The following KLC2 variants were observed in gnomAD, a reference collection of about 807,000 sequenced individuals.
KLC2 encodes the protein KLC 2.
Under a neutral mutation model 75.1 loss-of-function variants are expected in KLC2, and 35 were observed. The observed-to-expected ratio is 0.47, with a 90% CI of 0.36 to 0.62. KLC2 has a LOEUF of 0.62. Ranked by LOEUF, KLC2 falls within the 20% of genes least tolerant of loss-of-function variation. KLC2 has a pLI of 0.00. For synonymous variants in KLC2, 314 were observed against 336.7 expected (o/e 0.93, Z 0.74); for missense variants, 611 against 833.2 (o/e 0.73, Z 3.28).
chr11:66,266,737 C>T (rs1856858596), intron 15 of KLC2, 136 bp from the exon 16 acceptor site: 1 of 947,358 alleles, frequency 1.1e-6, no homozygotes, highest in Non-Finnish European at 1.7e-6. Flanking sequence ...CAGGGTGTGG[C>T]CTTGGGTCAG....
At chr11:66,248,419 AG>A in the KLC2 span, among the ~76,000 whole-genome samples, 5 of 152,160 alleles carry the variant, frequency 3.3e-5, no homozygotes, top group African/African-American at 1.2e-4. Context: ...CAGGAGTTCA[AG>A]ACCAGCCTAG....
chr11:66,258,162 C>A (rs1339222865), intron 1 of KLC2: 1 of 173,858 alleles, frequency 5.8e-6, no homozygotes, highest in Non-Finnish European at 1.2e-5. Flanking sequence ...AGGGTCGGCT[C>A]GTCGGGAGGA....
At chr11:66,264,630 C>CA (rs1315002742) in intron 9 of KLC2, 186 bp downstream of exon 9, 2 of 608,426 alleles carry the variant, frequency 3.3e-6, no homozygotes, top group Non-Finnish European at 5.9e-6. Flanking sequence ...ACACCCAACT[C>CA]ACGCAGCCCC....
Position 66,263,960 on chromosome 11 carries a change from C to T in KLC2, c.942+8C>T, listed in dbSNP as rs372520421. 1.2e-6 allele frequency: 2 copies of T among 1,613,478 alleles called. No individual in the cohort carries two copies. The highest frequency in any genetic ancestry group is 2.7e-5 in the African/African-American group (2 of 74,886). ...CTGGAGATCCGGGAGAAGGTGGGAACAGGCAGGGCTGGGCAGGCTGGGGGT... is the reference window on the plus strand; with the variant it reads ...CTGGAGATCCGGGAGAAGGTGGGAATAGGCAGGGCTGGGCAGGCTGGGGGT... On this transcript the variant is annotated splice_region_variant and intron_variant, in intron 7 of 15. Transcript: ENST00000394067.
chr11:66,261,691 T>C, intron 2 of KLC2, 51 bp from the exon 3 acceptor site: 1 of 1,267,848 alleles, frequency 7.9e-7, no homozygotes, highest in South Asian at 1.3e-5. Context: ...GCTACAGTCA[T>C]AGGCGAGGGG....
chr11:66,257,572 G>C (rs1366612950), upstream of KLC2: 1 of 152,154 alleles, frequency 6.6e-6, no homozygotes, highest in Non-Finnish European at 1.5e-5. Flanking sequence ...CTCGGGGCTG[G>C]CGGGCCCTGG....
intron 14 of KLC2, 34 bp from the exon 15 acceptor site, chr11:66,266,399 C>T (rs1400511728): frequency 3.2e-6 from 5 of 1,578,306 alleles, no homozygotes; most frequent in Non-Finnish European, 4.3e-6. Context: ...TGAGTTCCTC[C>T]TTGGGCAAAT....
At chr11:66,258,435 A>C (rs1457383263) in intron 1 of KLC2, 149 bp from the exon 2 acceptor site, 1 of 607,654 alleles carries the variant, frequency 1.6e-6, no homozygotes, top group Non-Finnish European at 2.9e-6. Flanking sequence ...TCTGTAGGCC[A>C]AGCGCGGGCA....
rs888193433 is a variant in KLC2, at chr11:66,265,666, A to G, written c.1346A>G (p.Asn449Ser). 3 of 1,613,002 alleles carry G rather than the reference A, an allele frequency of 1.9e-6. No homozygotes were observed. In the African/African-American group the frequency reaches 4.0e-5, roughly 22 times the overall value. Residue 449 changes from asparagine (N) to serine (S), a missense_variant, in exon 12 of 16, where the codon AAC becomes AGC. Transcript: ENST00000394067. ...KACKVDSPTVNTTLRSLGALY... is the reference protein window; with the variant it reads ...KACKVDSPTVSTTLRSLGALY... Reference sequence around the variant, plus strand: ...TGTCCCATCCACAGCCCCACAGTCAACACCACCCTGCGCAGCTTGGGGGCC... The same window carrying G: ...TGTCCCATCCACAGCCCCACAGTCAGCACCACCCTGCGCAGCTTGGGGGCC...
chr11:66,266,342 G>A, intron 14 of KLC2, 91 bp from the exon 15 acceptor site: 1 of 1,490,610 alleles, frequency 6.7e-7, no homozygotes, highest in Non-Finnish European at 9.2e-7. Context: ...CCACCCACCA[G>A]TCTGTTCCCT....
In KLC2 at chr11:66,262,111, C is replaced by T. The variant is rs1221868109; in HGVS notation, c.460-12C>T. The T allele has an allele frequency of 2.2e-5, 36 of 1,612,744 alleles. No homozygotes were observed. The East Asian group carries it at 7.6e-4, about 34-fold the overall frequency. On this transcript the variant is annotated splice_polypyrimidine_tract_variant and intron_variant, in intron 3 of 15. Transcript: ENST00000394067. ...CCTCCTTCCCTGATGCTCATCCTGT[C>T]TTCCTTCCCAGGAGGAGAAGGGGGA...
At position 66,263,918 on chromosome 11, in the gene KLC2, C is replaced by T. The variant is rs1856616949; in HGVS notation, c.908C>T (p.Pro303Leu). The change falls in exon 7 of 16, where the codon CCA becomes CTA. Residue 303 changes from proline to leucine, a missense_variant. Pro to Leu is a moderately conservative substitution (Grantham distance 98). Coordinates refer to ENST00000394067, the MANE Select transcript of KLC2 (RefSeq NM_001318734.2). ...GKRGKYKEAEPLCKRALEIRE... is the reference protein window; with the variant it reads ...GKRGKYKEAELLCKRALEIRE... ...AGGGGCAAGTACAAGGAGGCTGAGC[C>T]ATTGTGCAAGCGGGCACTGGAGATC... 1.2e-6 allele frequency: 2 copies of T among 1,614,220 alleles called. No individual in the cohort carries two copies. The highest frequency in any genetic ancestry group is 2.2e-5 in the East Asian group (1 of 44,892).
intron 5 of KLC2, 69 bp downstream of exon 5, chr11:66,263,105 C>T: frequency 2.5e-6 from 3 of 1,204,962 alleles, no homozygotes; most frequent in Non-Finnish European, 3.6e-6. Context: ...ACCCTTGGTG[C>T]CTGCTGTGGG....
chr11:66,252,348 C>T (rs549111055), upstream of KLC2, among the ~76,000 whole-genome samples: 14 of 152,260 alleles, frequency 9.2e-5, no homozygotes, highest in East Asian at 1.9e-4. Context: ...TGCAGTGGCG[C>T]GATCTCGGCT....
At chr11:66,250,324 C>T in the KLC2 span, among the ~76,000 whole-genome samples, 54 of 152,248 alleles carry the variant, frequency 3.5e-4, no homozygotes, top group African/African-American at 1.2e-3. Context: ...TGGCATGCGG[C>T]GGACCCTCGA....
At chr11:66,251,007 A>G in the KLC2 span, among the ~76,000 whole-genome samples, 1 of 152,228 alleles carries the variant, frequency 6.6e-6, no homozygotes, top group East Asian at 1.9e-4. Flanking sequence ...TTTCAGAAAG[A>G]TCTCCTTAAT....
chr11:66,261,638 AGGCCTGGCCCTTC>A (rs1228797501), intron 2 of KLC2, 91 bp from the exon 3 acceptor site: 2 of 674,998 alleles, frequency 3.0e-6, no homozygotes, highest in Non-Finnish European at 5.1e-6. Context: ...CTGTAGGGCC[AGGCCTGGCCCTTC>A]ACTGGGTGCC....
At chr11:66,244,683 G>C in the KLC2 span, 3 of 152,302 alleles carry the variant, frequency 2.0e-5, no homozygotes, top group African/African-American at 7.2e-5. Context: ...AGGAGATGGG[G>C]GTGGGAGGGA....
rs1440511392 is a variant in KLC2, at chr11:66,261,822, G to A, written c.309G>A (p.Val103=). The A allele has an allele frequency of 1.9e-6, 3 of 1,613,530 alleles. No individual in the cohort carries two copies. The highest frequency in any genetic ancestry group is 2.5e-6 in the Non-Finnish European group (3 of 1,179,952). The part of the protein sequence containing the change: ...QKLRAQVRRL[V]QENQWLREEL... ...TGCGGGCGCAGGTGCGGCGTCTGGT[G>A]CAGGAGAACCAGTGGCTGCGTGAGG... Residue 103 remains valine, a synonymous_variant, in exon 3 of 16, where the codon GTG becomes GTA. Transcript: ENST00000394067.
Sources: gnomAD v4.1 joint callset for allele counts (sites outside exome capture counted in the v4.1 genomes callset) on GRCh38, gnomAD v4.1.1 for gene constraint, MANE v1.5 for transcripts, NCBI Gene and HGNC (gene_info 2026-07-23, HGNC 2026-07-21) for gene names.